Variants in MYRIP observed in about 807,000 individuals in gnomAD.
MYRIP encodes the protein rab effector MyRIP.
Under a neutral mutation model 98.0 loss-of-function variants are expected in MYRIP, and 49 were observed. The observed-to-expected ratio is 0.50, with a 90% CI of 0.40 to 0.63. The LOEUF is 0.63. MYRIP is among the 30% of genes least tolerant of loss of function. MYRIP has a pLI of 0.00. For synonymous variants in MYRIP, 404 were observed against 409.5 expected (o/e 0.99, Z 0.16); for missense variants, 1,004 against 1,058.2 (o/e 0.95, Z 0.71).
At chr3:40,126,350 A>T (rs1277702264) in intron 3 of MYRIP, among the ~76,000 whole-genome samples, 1 of 152,238 alleles carries the variant, frequency 6.6e-6, no homozygotes, top group African/African-American at 2.4e-5. Context: ...GAAACACCTT[A>T]GCGTTTTGGT....
intron 2 of MYRIP, among the ~76,000 whole-genome samples, chr3:39,930,073 G>T (rs10865890): frequency 0.37 from 56,305 of 151,752 alleles, 10,753 homozygotes; most frequent in East Asian, 0.46. Context: ...GGTATATACT[G>T]AAGAGTGGAA....
chr3:40,029,488 G>T (rs748794456), intron 2 of MYRIP, among the ~76,000 whole-genome samples: 2 of 152,162 alleles, frequency 1.3e-5, no homozygotes, highest in South Asian at 4.1e-4. Context: ...AGCTAAAGCT[G>T]CAAAGATTCT....
chr3:40,114,688 C>A (rs1949235603), intron 3 of MYRIP, among the ~76,000 whole-genome samples: 1 of 152,132 alleles, frequency 6.6e-6, no homozygotes, highest in Non-Finnish European at 1.5e-5. Flanking sequence ...TGCAAATTAA[C>A]AAAGTATTAA....
intron 1 of MYRIP, among the ~76,000 whole-genome samples, chr3:39,862,986 A>G (rs1268950704): frequency 6.6e-6 from 1 of 152,238 alleles, no homozygotes; most frequent in Admixed American, 6.5e-5. Flanking sequence ...AGTCAATGCC[A>G]AGAATATTGC....
intron 3 of MYRIP, among the ~76,000 whole-genome samples, chr3:40,104,693 C>A (rs1949021885): frequency 6.6e-6 from 1 of 152,182 alleles, no homozygotes; most frequent in African/African-American, 2.4e-5. Flanking sequence ...GCACTTCCGT[C>A]TGAGTTATTT....
intron 10 of MYRIP, among the ~76,000 whole-genome samples, chr3:40,200,798 G>A (rs1951536932): frequency 6.6e-6 from 1 of 152,154 alleles, no homozygotes; most frequent in Non-Finnish European, 1.5e-5. Flanking sequence ...CCCCTGCCCT[G>A]CGTGTCATCA....
chr3:39,945,572 A>C (rs1432472628), intron 2 of MYRIP, among the ~76,000 whole-genome samples: 3 of 152,072 alleles, frequency 2.0e-5, no homozygotes, highest in East Asian at 3.9e-4. Flanking sequence ...CCTCTTAATA[A>C]TAGGAATGTT....
chr3:39,904,064 GATA>G (rs888941661), intron 2 of MYRIP, among the ~76,000 whole-genome samples: 1 of 152,126 alleles, frequency 6.6e-6, no homozygotes, highest in Non-Finnish European at 1.5e-5. Flanking sequence ...TGGTGTCTCT[GATA>G]ATATTTTACT....
chr3:40,085,536 A>G (rs1948609777), intron 3 of MYRIP, among the ~76,000 whole-genome samples: 1 of 152,172 alleles, frequency 6.6e-6, no homozygotes, highest in Non-Finnish European at 1.5e-5. Context: ...TGCCTGCCTC[A>G]GCCTCCCAAA....
intron 2 of MYRIP, among the ~76,000 whole-genome samples, chr3:39,990,695 T>A (rs1028261990): frequency 6.6e-6 from 1 of 152,230 alleles, no homozygotes; most frequent in African/African-American, 2.4e-5. Context: ...CTGGTCATCG[T>A]GGCCCAAGAG....
intron 4 of MYRIP, among the ~76,000 whole-genome samples, chr3:40,155,326 A>T (rs1159829095): frequency 6.6e-6 from 1 of 151,130 alleles, no homozygotes; most frequent in African/African-American, 2.4e-5. Flanking sequence ...TGAACTCATC[A>T]TTTTTTATGG....
At chr3:40,132,658 T>C (rs577700226) in intron 3 of MYRIP, among the ~76,000 whole-genome samples, 3 of 152,356 alleles carry the variant, frequency 2.0e-5, no homozygotes, top group African/African-American at 7.2e-5. Context: ...AGCCCCACCC[T>C]GGGGGCATGA....
intron 2 of MYRIP, among the ~76,000 whole-genome samples, chr3:39,965,553 GAT>G (rs1237509333): frequency 6.6e-6 from 1 of 152,090 alleles, no homozygotes; most frequent in African/African-American, 2.4e-5. Context: ...ACCTGTAGGA[GAT>G]ATATATTAGG....
chr3:40,053,261 G>A (rs528546841), intron 3 of MYRIP, among the ~76,000 whole-genome samples: 1 of 152,222 alleles, frequency 6.6e-6, no homozygotes, highest in Admixed American at 6.5e-5. Flanking sequence ...AAGGGGACAT[G>A]TATTTTGAAG....
chr3:39,996,788 G>A (rs530837651), intron 2 of MYRIP, among the ~76,000 whole-genome samples: 1 of 152,228 alleles, frequency 6.6e-6, no homozygotes, highest in South Asian at 2.1e-4. Flanking sequence ...TGGAAGTAAA[G>A]CACTCCTCAG....
intron 2 of MYRIP, among the ~76,000 whole-genome samples, chr3:39,939,428 A>T (rs1424746152): frequency 6.6e-6 from 1 of 152,194 alleles, no homozygotes; most frequent in Non-Finnish European, 1.5e-5. Flanking sequence ...CAGTTAAAAA[A>T]ATAAAGCAGG....
intron 2 of MYRIP, among the ~76,000 whole-genome samples, chr3:40,004,689 C>T (rs1024921631): frequency 6.3e-4 from 96 of 152,232 alleles, no homozygotes; most frequent in African/African-American, 2.3e-3. Flanking sequence ...GCCTTTGCAT[C>T]CTCATAGCTT....
intron 1 of MYRIP, among the ~76,000 whole-genome samples, chr3:39,867,335 A>C (rs1942655537): frequency 6.6e-6 from 1 of 152,214 alleles, no homozygotes; most frequent in Non-Finnish European, 1.5e-5. Flanking sequence ...TTAAACTAAA[A>C]AGCTTCTGCA....
Position 40,106,295 on chromosome 3 carries a change from G to C in MYRIP, c.333-44753G>C, listed in dbSNP as rs1949049018. Among the ~76,000 whole-genome samples the C allele has an allele frequency of 1.3e-5, 2 of 151,866 alleles. 1 individual carries two copies. The highest frequency in any genetic ancestry group is 4.8e-5 in the African/African-American group (2 of 41,338). On this transcript the variant is annotated intron_variant, in intron 3 of 16. Transcript: ENST00000302541. The stretch of plus-strand genomic sequence containing the variant: ...TGCAGGAAACTCAACAGCGTAATTA[G>C]ATTTGTTATTTCTTCTTCAGCAGAA...
Sources: allele counts gnomAD v4.1 joint callset (sites outside exome capture counted in the v4.1 genomes callset), GRCh38; gene constraint gnomAD v4.1.1; transcripts MANE v1.5; gene names NCBI Gene and HGNC (gene_info 2026-07-23, HGNC 2026-07-21).